ROBO4: variants seen among roughly 807,000 people sequenced by gnomAD.
The protein encoded by ROBO4 is roundabout homolog 4.
A neutral mutation model predicts 103.3 loss-of-function variants in ROBO4; 80 were observed. The observed-to-expected ratio is 0.77, with a 90% CI of 0.65 to 0.93. The LOEUF is 0.93. ROBO4 is among the 40% of genes least tolerant of loss of function. The pLI is 0.00. For missense variants in ROBO4, 1,333 were observed against 1,305.3 expected (o/e 1.02, Z -0.33); for synonymous variants, 504 against 529.7 (o/e 0.95, Z 0.67).
Position 124,883,713 on chromosome 11 carries a change from G to A in ROBO4, c.*1178C>T. ...TTTAGTAGAGACGGGGTTTCACCAT[G>A]TTAGCCAGGATGGTCTCGATCTCCT... On this transcript the variant is annotated 3_prime_UTR_variant, in exon 18 of 18. Transcript: ENST00000306534. 6.8e-6 allele frequency: 1 copy of A among 147,252 alleles called. No homozygotes were observed. The highest frequency in any genetic ancestry group is 1.5e-5 in the Non-Finnish European group (1 of 67,000). 9.1% of individuals were successfully genotyped at this position (147,252 alleles called of 1,614,324 possible).
chr11:124,886,348 C>T (rs550473844), intron 16 of ROBO4, 116 bp downstream of exon 16: 1 of 807,778 alleles, frequency 1.2e-6, no homozygotes, highest in East Asian at 2.5e-5. Flanking sequence ...TATCATAGTG[C>T]CTGAGATACA....
intron 12 of ROBO4, among the ~76,000 whole-genome samples, chr11:124,889,603 A>G (rs1946770320): frequency 6.6e-6 from 1 of 152,246 alleles, no homozygotes; most frequent in Non-Finnish European, 1.5e-5. Flanking sequence ...CAGTGCATAT[A>G]TCTGGCAAAC....
intron 7 of ROBO4, 99 bp downstream of exon 7, chr11:124,894,982 G>C (rs1473740554): frequency 2.2e-6 from 2 of 925,264 alleles, no homozygotes; most frequent in Non-Finnish European, 3.4e-6. Flanking sequence ...TCTCTGCCCA[G>C]GTACCTTTCT....
In ROBO4 at chr11:124,885,042, A is replaced by G; in HGVS notation, c.3000T>C (p.Gly1000=). The change falls in exon 17 of 18, where the codon GGT becomes GGC. Residue 1000 remains glycine (G), a splice_region_variant and synonymous_variant. Coordinates refer to ENST00000306534, the MANE Select transcript of ROBO4 (RefSeq NM_019055.6). ...TTAGCCAGGAAGACAGACACTCACCACCAGCCTTGGGCATACGACAGTGGA... is the reference window on the plus strand; with the variant it reads ...TTAGCCAGGAAGACAGACACTCACCGCCAGCCTTGGGCATACGACAGTGGA... ...SQLHCRMPKA[G]ASPVDYS The G allele has an allele frequency of 6.2e-7, 1 of 1,614,000 alleles. No homozygotes were observed. The highest frequency in any genetic ancestry group is 8.5e-7 in the Non-Finnish European group (1 of 1,179,942).
chr11:124,891,134 C>T (rs1473557355), intron 12 of ROBO4, among the ~76,000 whole-genome samples, 165 bp downstream of exon 12: 2 of 148,224 alleles, frequency 1.3e-5, no homozygotes, highest in Non-Finnish European at 3.0e-5. Flanking sequence ...GCTGAGTGCT[C>T]TGGTGGTAGG....
chr11:124,896,947 G>A lies in ROBO4; in HGVS notation c.385C>T (p.Arg129Trp), dbSNP rs199625905. 343 of 1,612,840 alleles carry A rather than the reference G, an allele frequency of 2.1e-4. 2 individuals are homozygous for A. The highest frequency in any genetic ancestry group is 1.5e-3 in the South Asian group (140 of 90,844). ...RLGTAVSRGARLSVAVLREDF... is the reference protein window; with the variant it reads ...RLGTAVSRGAWLSVAVLREDF... ...CAGGCCTCACCAGCCACAGACAGCCGAGCGCCTCTGCTGACTGCCGTGCCA... is the reference window on the plus strand; with the variant it reads ...CAGGCCTCACCAGCCACAGACAGCCAAGCGCCTCTGCTGACTGCCGTGCCA... Residue 129 changes from arginine to tryptophan, a missense_variant, in exon 2 of 18, where the codon CGG becomes TGG. By Grantham distance (101) the Arg-to-Trp change is moderately radical. Coordinates refer to ENST00000306534, the MANE Select transcript of ROBO4 (RefSeq NM_019055.6).
At position 124,891,334 on chromosome 11, in the gene ROBO4, G is replaced by A. The variant is rs746911218; in HGVS notation, c.1913C>T (p.Ala638Val). The A allele has an allele frequency of 1.3e-6, 2 of 1,531,310 alleles. No homozygotes were observed. The highest frequency in any genetic ancestry group is 2.3e-5 in the East Asian group (1 of 44,234). The allele number at this position is 1,531,310 out of a possible 1,614,324, so 94.9% of individuals were successfully genotyped here. ...RGLSSPRLSLAPAEAWKAKKK... is the reference protein window; with the variant it reads ...RGLSSPRLSLVPAEAWKAKKK... ...TTTGGCCTTCCAAGCCTCTGCAGGG[G>A]CCAGAGACAAGCGGGGAGAAGAGAG... Residue 638 changes from alanine to valine, a missense_variant, in exon 12 of 18, where the codon GCC becomes GTC. Ala to Val is a moderately conservative substitution (Grantham distance 64). Transcript: ENST00000306534.
chr11:124,885,273 T>C, intron 16 of ROBO4, 26 bp from the exon 17 acceptor site: 3 of 1,594,448 alleles, frequency 1.9e-6, no homozygotes, highest in Non-Finnish European at 2.6e-6. Context: ...GAGGTGTCTG[T>C]GGGAGGTTGA....
intron 12 of ROBO4, 117 bp from the exon 13 acceptor site, chr11:124,887,957 G>A (rs933425733): frequency 2.5e-6 from 2 of 790,244 alleles, no homozygotes; most frequent in Non-Finnish European, 4.0e-6. Context: ...CCAGAGAAAA[G>A]AGGGGGAACC....
chr11:124,891,493 A>C lies in ROBO4; in HGVS notation c.1754T>G (p.Leu585Arg). Reference sequence around the variant, plus strand: ...GGTACTGGAGGGCAGCTCAGCGATGAGGGAGCCATAAAAAGTGCTGGTGTC... The same window carrying C: ...GGTACTGGAGGGCAGCTCAGCGATGCGGGAGCCATAAAAAGTGCTGGTGTC... Reference protein sequence around the residue: ...LPDTSTFYGSLIAELPSSTPA... With the variant: ...LPDTSTFYGSRIAELPSSTPA... The change falls in exon 12 of 18, where the codon CTC becomes CGC. Residue 585 changes from leucine (L) to arginine (R), a missense_variant. Transcript: ENST00000306534. The C allele has an allele frequency of 6.2e-7, 1 of 1,613,904 alleles. No individual in the cohort carries two copies. Among genetic ancestry groups the C allele is most frequent in the African/African-American group, 1.3e-5 (1 of 75,036 alleles).
At position 124,894,109 on chromosome 11, in the gene ROBO4, G is replaced by GGGAA. The variant is rs1214135469; in HGVS notation, c.1319-68_1319-65dup. On this transcript the variant is annotated intron_variant, in intron 8 of 17. Coordinates refer to ENST00000306534, the MANE Select transcript of ROBO4 (RefSeq NM_019055.6). ...GGCATTGAGGGCCTGGCAGGCAAGG[G>GGGAA]GGAAGAGCTGGAAGTGTGAGGCGGG... 1.9e-5 allele frequency: 29 copies of GGGAA among 1,549,456 alleles called. No homozygotes were observed. In the Admixed American group the frequency reaches 3.0e-4, roughly 16 times the overall value.
chr11:124,894,413 C>A (rs1946849679), intron 7 of ROBO4, 44 bp from the exon 8 acceptor site: 1 of 1,577,690 alleles, frequency 6.3e-7, no homozygotes, highest in Non-Finnish European at 8.6e-7. Flanking sequence ...GGCACCATCC[C>A]AGAAGCCAAG....
intron 16 of ROBO4, among the ~76,000 whole-genome samples, chr11:124,886,198 G>T (rs1189659927): frequency 2.6e-5 from 4 of 152,130 alleles, no homozygotes; most frequent in African/African-American, 7.2e-5. Context: ...CAAACAAAAA[G>T]AATTGGACAA....
Position 124,895,051 on chromosome 11 carries a change from A to G in ROBO4, c.1149+30T>C, listed in dbSNP as rs575071463. On this transcript the variant is annotated intron_variant, in intron 7 of 17. Transcript: ENST00000306534. Reference sequence around the variant, plus strand: ...AGAAAAGAGATGTCCTGGCAGCAGTAGGAAGGGCTATGACAGCTAGTGGGG... The same window carrying G: ...AGAAAAGAGATGTCCTGGCAGCAGTGGGAAGGGCTATGACAGCTAGTGGGG... 5.4e-6 allele frequency: 8 copies of G among 1,474,646 alleles called. No individual in the cohort carries two copies. In the South Asian group the frequency reaches 9.1e-5, roughly 17 times the overall value. 91.3% of individuals were successfully genotyped at this position (1,474,646 alleles called of 1,614,324 possible).
At chr11:124,891,885 G>A (rs1020402093) in intron 10 of ROBO4, 83 bp from the exon 11 acceptor site, 12 of 1,497,246 alleles carry the variant, frequency 8.0e-6, no homozygotes, top group East Asian at 7.1e-5. Context: ...CTGTTCAGAG[G>A]CAGCAGAAGA....
intron 10 of ROBO4, among the ~76,000 whole-genome samples, chr11:124,893,475 G>A (rs79224470): frequency 0.023 from 3,544 of 152,208 alleles, 145 homozygotes; most frequent in African/African-American, 0.08. Context: ...GGGTTTAGAA[G>A]GTTTTATGAG....
In ROBO4 at chr11:124,887,428, C is replaced by T; in HGVS notation, c.2128G>A (p.Val710Ile). 1.2e-6 allele frequency: 2 copies of T among 1,614,050 alleles called. No homozygotes were observed. Among genetic ancestry groups the T allele is most frequent in the South Asian group, 1.1e-5 (1 of 91,084 alleles). The change falls in exon 14 of 18, where the codon GTT becomes ATT. Residue 710 changes from valine (V) to isoleucine (I), a missense_variant. Val to Ile is a conservative substitution (Grantham distance 29). Coordinates refer to ENST00000306534, the MANE Select transcript of ROBO4 (RefSeq NM_019055.6). Reference protein sequence around the residue: ...PKLLSSSNELVTRHLPPAPLF... With the variant: ...PKLLSSSNELITRHLPPAPLF... ...GGTGCTGGAGGGAGATGACGAGTAA[C>T]CAGCTCATTTGAGGAGCTGAGGAGT...
At chr11:124,895,425 ATTG>A in intron 6 of ROBO4, 29 bp downstream of exon 6, 2 of 1,583,524 alleles carry the variant, frequency 1.3e-6, no homozygotes, top group South Asian at 2.2e-5. Context: ...CAGAGGGGAT[ATTG>A]TTGGCTTCTG....
intron 16 of ROBO4, among the ~76,000 whole-genome samples, 154 bp from the exon 17 acceptor site, chr11:124,885,401 C>T (rs1946696166): frequency 6.6e-6 from 1 of 152,160 alleles, no homozygotes; most frequent in Non-Finnish European, 1.5e-5. Context: ...GGCCACATCC[C>T]CAGGGGCCCG....
Sources: gnomAD v4.1 joint callset for allele counts (sites outside exome capture counted in the v4.1 genomes callset) on GRCh38, gnomAD v4.1.1 for gene constraint, MANE v1.5 for transcripts, NCBI Gene and HGNC (gene_info 2026-07-23, HGNC 2026-07-21) for gene names.